Variants in TRIM32 observed in about 807,000 individuals in gnomAD.
TRIM32 encodes tripartite motif containing 32, also known as E3 ubiquitin-protein ligase TRIM32.
Under a neutral mutation model 36.0 loss-of-function variants are expected in TRIM32, and 19 were observed. That is an observed-to-expected ratio of 0.53 (90% confidence interval 0.37 to 0.77). The LOEUF is 0.77. Among genes scored for constraint, TRIM32 ranks in the 30% least tolerant of loss-of-function variants. The pLI, the probability that TRIM32 is intolerant of heterozygous loss-of-function variation, is 0.00. For synonymous variants in TRIM32, 309 were observed against 318.5 expected (o/e 0.97, Z 0.32); for missense variants, 747 against 845.2 (o/e 0.88, Z 1.44).
chr9:116,697,537 A>G (rs918530096), intron 1 of TRIM32, 125 bp from the exon 2 acceptor site: 35 of 648,898 alleles, frequency 5.4e-5, no homozygotes, highest in East Asian at 2.3e-4. Context: ...AATAGACCTC[A>G]ATAAAATAGT....
intron 1 of TRIM32, among the ~76,000 whole-genome samples, chr9:116,690,907 A>G (rs1860532623): frequency 6.6e-6 from 1 of 152,152 alleles, no homozygotes; most frequent in African/African-American, 2.4e-5. Context: ...CTGGAAGAGA[A>G]CTAAGTGTTG....
Position 116,698,591 on chromosome 9 carries a change from A to G in TRIM32, c.849A>G (p.Val283=), listed in dbSNP as rs1176544124. 6 of 1,614,110 alleles carry G rather than the reference A, an allele frequency of 3.7e-6. No homozygotes were observed. Among genetic ancestry groups the G allele is most frequent in the Non-Finnish European group, 8.5e-7 (1 of 1,180,010 alleles). ...LTLQDVELLK[V]GHVGPLQIGQ... ...TGCAAGATGTGGAGCTCCTTAAGGT[A>G]GGTCATGTTGGCCCCCTCCAAATTG... Residue 283 remains valine, a synonymous_variant, in exon 2 of 2, where the codon GTA becomes GTG. Transcript: ENST00000450136. This position sits in a 1 kb window ranked among gnomAD's most constrained non-coding sequence, Gnocchi z 4.4.
chr9:116,697,997 C>T lies in TRIM32; in HGVS notation c.255C>T (p.Ile85=). 1.2e-6 allele frequency: 2 copies of T among 1,614,188 alleles called. No individual in the cohort carries two copies. The highest frequency in any genetic ancestry group is 1.7e-6 in the Non-Finnish European group (2 of 1,180,052). ...CAGACAATCTGACAGTGCTAAAGAT[C>T]ATTGATACAGCTGGGCTCAGCGAGG... is the stretch of plus-strand genomic sequence containing the variant. ...QLTDNLTVLK[I]IDTAGLSEAV... Residue 85 remains isoleucine (I), a synonymous_variant, in exon 2 of 2, where the codon ATC becomes ATT. Transcript: ENST00000450136.
Position 116,697,700 on chromosome 9 carries a change from T to C in TRIM32, c.-43T>C. On this transcript the variant is annotated 5_prime_UTR_variant, in exon 2 of 2. Coordinates refer to ENST00000450136, the MANE Select transcript of TRIM32 (RefSeq NM_012210.4). ...CTCTAGGGCATGAATACTGTGCTGT[T>C]CAGTTCTGAGCTGTGCTAGCAATAC... 1.2e-6 allele frequency: 2 copies of C among 1,611,994 alleles called. No homozygotes were observed. Among genetic ancestry groups the C allele is most frequent in the Non-Finnish European group, 1.7e-6 (2 of 1,179,844 alleles).
chr9:116,693,898 T>C (rs1260054727), intron 1 of TRIM32, among the ~76,000 whole-genome samples: 2 of 152,212 alleles, frequency 1.3e-5, no homozygotes, highest in African/African-American at 2.4e-5. Context: ...AGACGGGCTC[T>C]ATCTGCCTGT....
At chr9:116,696,428 G>GT (rs1860856711) in intron 1 of TRIM32, among the ~76,000 whole-genome samples, 1 of 152,166 alleles carries the variant, frequency 6.6e-6, no homozygotes, top group East Asian at 1.9e-4. Flanking sequence ...AATGCATAGA[G>GT]TTTAAGTATT....
At chr9:116,691,304 A>T (rs1860554983) in intron 1 of TRIM32, among the ~76,000 whole-genome samples, 1 of 152,166 alleles carries the variant, frequency 6.6e-6, no homozygotes, top group South Asian at 2.1e-4. Flanking sequence ...GGTTGAGGTT[A>T]GTTGGAGGTC....
In TRIM32 at chr9:116,697,781, C is replaced by CTGG; in HGVS notation, c.39_40insTGG (p.Ala13_Leu14insTrp). 1 of 1,614,110 alleles carries CTGG rather than the reference C, an allele frequency of 6.2e-7. No individual in the cohort carries two copies. Among genetic ancestry groups the CTGG allele is most frequent in the South Asian group, 1.1e-5 (1 of 91,076 alleles). Reference sequence around the variant, plus strand: ...CAGCTTCTCACCTGAACCTGGATGCCCTCCGGGAAGTGCTAGAATGCCCCA... The same window carrying CTGG: ...CAGCTTCTCACCTGAACCTGGATGCCTGGCTCCGGGAAGTGCTAGAATGCCCCA... On this transcript the variant is annotated inframe_insertion, in exon 2 of 2. Transcript: ENST00000450136.
intron 1 of TRIM32, among the ~76,000 whole-genome samples, chr9:116,691,103 A>G (rs1860544352): frequency 6.6e-6 from 1 of 152,128 alleles, no homozygotes; most frequent in South Asian, 2.1e-4. Flanking sequence ...AATTTATTGT[A>G]GAGATGGTGT....
rs927829780 is a variant in TRIM32 at position 116,700,410 on chromosome 9, G to T, written c.*706G>T. On this transcript the variant is annotated 3_prime_UTR_variant, in exon 2 of 2. Transcript: ENST00000450136. Reference sequence around the variant, plus strand: ...GATGACTTCAGCCTGGAAATTGCTTGCCTTTTAAAGAAGCATATATGGGTT... The same window carrying T: ...GATGACTTCAGCCTGGAAATTGCTTTCCTTTTAAAGAAGCATATATGGGTT... The T allele has an allele frequency of 6.0e-6, 1 of 167,158 alleles. No homozygotes were observed. Among genetic ancestry groups the T allele is most frequent in the African/African-American group, 2.4e-5 (1 of 41,446 alleles). The allele number at this position is 167,158 out of a possible 1,614,324, so 10.4% of individuals were successfully genotyped here. A position where few individuals can be genotyped will look rare whatever the true frequency, so the allele number is the denominator to read the frequency against.
intron 1 of TRIM32, among the ~76,000 whole-genome samples, chr9:116,695,487 A>G (rs1273710364): frequency 6.6e-6 from 1 of 152,234 alleles, no homozygotes; most frequent in African/African-American, 2.4e-5. Flanking sequence ...GTTGTAATGT[A>G]TATCTCTACA....
In TRIM32 at chr9:116,699,252, G is replaced by C; in HGVS notation, c.1510G>C (p.Val504Leu). The change falls in exon 2 of 2, where the codon GTG becomes CTG. Residue 504 changes from valine (V) to leucine (L), a missense_variant. Physicochemically the swap from Val to Leu is conservative, Grantham distance 32. Coordinates refer to ENST00000450136, the MANE Select transcript of TRIM32 (RefSeq NM_012210.4). This position sits in a 1 kb window ranked among gnomAD's most constrained non-coding sequence, Gnocchi z 4.2. ...WCFTVDRGSG[V>L]VKYSCLCSAV... ...TTTCACAGTTGATCGAGGATCAGGG[G>C]TGGTCAAATACAGCTGCCTATGTAG... is the stretch of plus-strand genomic sequence containing the variant. 8 of 1,614,246 alleles carry C rather than the reference G, an allele frequency of 5.0e-6. No individual in the cohort carries two copies. The highest frequency in any genetic ancestry group is 6.8e-6 in the Non-Finnish European group (8 of 1,180,056).
rs11556350 is a variant in TRIM32, at chr9:116,697,948, G to A, written c.206G>A (p.Arg69His). ...TGTCCCTTTTGCAGCAAGATTACCC[G>A]CATAACCAGCTTGACCCAGCTGACA... is the stretch of plus-strand genomic sequence containing the variant. ...VRCPFCSKITRITSLTQLTDN... is the reference protein window; with the variant it reads ...VRCPFCSKITHITSLTQLTDN... The change falls in exon 2 of 2, where the codon CGC becomes CAC. Residue 69 changes from arginine (R) to histidine (H), a missense_variant. Physicochemically the swap from Arg to His is conservative, Grantham distance 29 (BLOSUM62 0). Transcript: ENST00000450136. The A allele has an allele frequency of 2.8e-5, 45 of 1,614,038 alleles. No individual in the cohort carries two copies. Among genetic ancestry groups the A allele is most frequent in the East Asian group, 2.7e-4 (12 of 44,876 alleles).
Position 116,700,554 on chromosome 9 carries a change from G to A in TRIM32, c.*850G>A, listed in dbSNP as rs2132078292. On this transcript the variant is annotated 3_prime_UTR_variant, in exon 2 of 2. Coordinates refer to ENST00000450136, the MANE Select transcript of TRIM32 (RefSeq NM_012210.4). ...ATACTACCTCTCTCTTCTGGCCTGTGTCTAAGGAATTGTACAACATAGGCC... is the reference window on the plus strand; with the variant it reads ...ATACTACCTCTCTCTTCTGGCCTGTATCTAAGGAATTGTACAACATAGGCC... The A allele has an allele frequency of 6.0e-6, 1 of 167,230 alleles. No homozygotes were observed. The highest frequency in any genetic ancestry group is 2.1e-4 in the South Asian group (1 of 4,826). The allele number at this position is 167,230 out of a possible 1,614,324, so 10.4% of individuals were successfully genotyped here. A position where few individuals can be genotyped will look rare whatever the true frequency, so the allele number is the denominator to read the frequency against.
At position 116,698,266 on chromosome 9, in the gene TRIM32, A is replaced by T. The variant is rs777911858; in HGVS notation, c.524A>T (p.Lys175Met). The change falls in exon 2 of 2, where the codon AAG becomes ATG. Residue 175 changes from lysine to methionine, a missense_variant. Physicochemically the swap from Lys to Met is moderately conservative, Grantham distance 95. Transcript: ENST00000450136. This position sits in a 1 kb window ranked among gnomAD's most constrained non-coding sequence, Gnocchi z 4.4. ...RRKAALEGVS[K>M]DLQARYKAVL... is the part of the protein sequence containing the mutation. ...AAGGCAGCCTTGGAAGGTGTCTCCAAGGACCTTCAGGCAAGGTATAAAGCA... is the reference window on the plus strand; with the variant it reads ...AAGGCAGCCTTGGAAGGTGTCTCCATGGACCTTCAGGCAAGGTATAAAGCA... 1 of 1,614,062 alleles carries T rather than the reference A, an allele frequency of 6.2e-7. No homozygotes were observed. The highest frequency in any genetic ancestry group is 8.5e-7 in the Non-Finnish European group (1 of 1,180,052).
In TRIM32 at chr9:116,699,389, C is replaced by G; in HGVS notation, c.1647C>G (p.Gly549=). The change falls in exon 2 of 2, where the codon GGC becomes GGG. Residue 549 remains glycine (G), a synonymous_variant. Transcript: ENST00000450136. The surrounding 1 kb of genome is among the most constrained non-coding windows in gnomAD (Gnocchi z 4.2). ...AGAATGAGCACCACCTGGAGGGTGG[C>G]TTTTCCATTGGCTCTGTAGGCCCTG... ...NRQNEHHLEG[G]FSIGSVGPDG... 6.2e-7 allele frequency: 1 copy of G among 1,614,170 alleles called. No homozygotes were observed. Among genetic ancestry groups the G allele is most frequent in the Middle Eastern group, 1.6e-4 (1 of 6,062 alleles).
chr9:116,699,386 T>A lies in TRIM32; in HGVS notation c.1644T>A (p.Gly548=). Residue 548 remains glycine (G), a synonymous_variant, in exon 2 of 2, where the codon GGT becomes GGA. Coordinates refer to ENST00000450136, the MANE Select transcript of TRIM32 (RefSeq NM_012210.4). The surrounding 1 kb of genome is among the most constrained non-coding windows in gnomAD (Gnocchi z 4.2). ...GGCAGAATGAGCACCACCTGGAGGG[T>A]GGCTTTTCCATTGGCTCTGTAGGCC... ...ENRQNEHHLE[G]GFSIGSVGPD... 1 of 1,613,860 alleles carries A rather than the reference T, an allele frequency of 6.2e-7. No individual in the cohort carries two copies. Among genetic ancestry groups the A allele is most frequent in the East Asian group, 2.2e-5 (1 of 44,854 alleles).
At chr9:116,693,425 G>A (rs886100193) in intron 1 of TRIM32, among the ~76,000 whole-genome samples, 1 of 152,160 alleles carries the variant, frequency 6.6e-6, no homozygotes, top group African/African-American at 2.4e-5. Flanking sequence ...TAGAAGAGGC[G>A]AGATTAATAT....
chr9:116,698,409 G>A lies in TRIM32; in HGVS notation c.667G>A (p.Glu223Lys), dbSNP rs1437346577. The A allele has an allele frequency of 6.2e-7, 1 of 1,614,008 alleles. No individual in the cohort carries two copies. The highest frequency in any genetic ancestry group is 8.5e-7 in the Non-Finnish European group (1 of 1,180,032). Residue 223 changes from glutamate (E) to lysine (K), a missense_variant, in exon 2 of 2, where the codon GAG becomes AAG. Coordinates refer to ENST00000450136, the MANE Select transcript of TRIM32 (RefSeq NM_012210.4). The surrounding 1 kb of genome is among the most constrained non-coding windows in gnomAD (Gnocchi z 4.4). ...VEKSNSQVVE[E>K]QSYLLNIAEV... Reference sequence around the variant, plus strand: ...GAAGTCCAATAGTCAAGTGGTAGAGGAGCAGAGTTACCTGCTTAACATTGC... The same window carrying A: ...GAAGTCCAATAGTCAAGTGGTAGAGAAGCAGAGTTACCTGCTTAACATTGC...
Sources: allele counts gnomAD v4.1 joint callset (sites outside exome capture counted in the v4.1 genomes callset), GRCh38; gene constraint gnomAD v4.1.1; non-coding constraint Gnocchi (gnomAD v3.1); transcripts MANE v1.5; gene names NCBI Gene and HGNC (gene_info 2026-07-23, HGNC 2026-07-21).